Variants in MC2R observed in about 807,000 individuals in gnomAD.
MC2R encodes adrenocorticotropic hormone receptor.
A neutral mutation model predicts 9.8 loss-of-function variants in MC2R; 9 were observed. That is an observed-to-expected ratio of 0.92 (90% CI 0.55 to 1.60). The LOEUF (loss-of-function observed/expected upper bound fraction) is 1.60, where lower values mean the gene tolerates loss of function less well. MC2R is among the 40% of genes most tolerant of loss of function. The pLI, the probability that MC2R is intolerant of heterozygous loss-of-function variation, is 0.00. For synonymous variants in MC2R, 185 were observed against 154.7 expected (o/e 1.20, Z -1.45); for missense variants, 370 against 389.0 (o/e 0.95, Z 0.41).
At chr18:13,888,362 C>T (rs2045290324) in intron 1 of MC2R, among the ~76,000 whole-genome samples, 1 of 152,264 alleles carries the variant, frequency 6.6e-6, no homozygotes, top group South Asian at 2.1e-4. Flanking sequence ...TGGTGTGTGG[C>T]CCCATTCTTG....
intron 1 of MC2R, among the ~76,000 whole-genome samples, chr18:13,897,410 C>T (rs920772496): frequency 6.6e-6 from 1 of 152,178 alleles, no homozygotes; most frequent in Non-Finnish European, 1.5e-5. Flanking sequence ...CTGTCAGTCT[C>T]TAAGTAAACT....
intron 1 of MC2R, among the ~76,000 whole-genome samples, chr18:13,895,625 T>C (rs1046763180): frequency 1.3e-5 from 2 of 151,958 alleles, no homozygotes; most frequent in Admixed American, 6.6e-5. Flanking sequence ...AAAAAAAAGC[T>C]CAACTTTTGA....
At chr18:13,904,863 C>T (rs1187657372) in intron 1 of MC2R, among the ~76,000 whole-genome samples, 8 of 152,078 alleles carry the variant, frequency 5.3e-5, no homozygotes, top group South Asian at 4.2e-4. Flanking sequence ...AAACTGAAAC[C>T]GGGCCCCTTC....
intron 1 of MC2R, among the ~76,000 whole-genome samples, chr18:13,899,697 G>C (rs571571891): frequency 6.6e-6 from 1 of 152,246 alleles, no homozygotes; most frequent in South Asian, 2.1e-4. Context: ...GGAGAGAGTG[G>C]CATGGTATAT....
chr18:13,898,844 G>A (rs1343792183), intron 1 of MC2R, among the ~76,000 whole-genome samples: 1 of 152,154 alleles, frequency 6.6e-6, no homozygotes, highest in Non-Finnish European at 1.5e-5. Flanking sequence ...AGCAGGTAAG[G>A]CTTAGATCAC....
At chr18:13,904,562 G>T (rs1386788752) in intron 1 of MC2R, among the ~76,000 whole-genome samples, 1 of 150,316 alleles carries the variant, frequency 6.7e-6, no homozygotes, top group African/African-American at 2.5e-5. Context: ...AATTAGACAG[G>T]AGAAAAAAAA....
At position 13,884,541 on chromosome 18, in the gene MC2R, G is replaced by A. The variant is rs888053058; in HGVS notation, c.*84C>T. 10 of 1,426,986 alleles carry A rather than the reference G, an allele frequency of 7.0e-6. No homozygotes were observed. The African/African-American group carries it at 8.4e-5, about 12-fold the overall frequency. The allele number at this position is 1,426,986 out of a possible 1,614,324, so 88.4% of individuals were successfully genotyped here. ...ATTAGGGAAGGAAGGCCAGTGAGGAGCACTGGCATTTGTTGGAATGTTACA... is the reference window on the plus strand; with the variant it reads ...ATTAGGGAAGGAAGGCCAGTGAGGAACACTGGCATTTGTTGGAATGTTACA... On this transcript the variant is annotated 3_prime_UTR_variant, in exon 2 of 2. Coordinates refer to ENST00000327606, the MANE Select transcript of MC2R (RefSeq NM_000529.2).
chr18:13,893,461 G>A (rs2045328875), intron 1 of MC2R, among the ~76,000 whole-genome samples: 1 of 152,172 alleles, frequency 6.6e-6, no homozygotes, highest in East Asian at 1.9e-4. Context: ...AAGTAGAAGG[G>A]TCTTGAAGGT....
At chr18:13,907,235 C>T (rs775632728) in intron 1 of MC2R, among the ~76,000 whole-genome samples, 17 of 152,174 alleles carry the variant, frequency 1.1e-4, no homozygotes, top group Non-Finnish European at 2.1e-4. Flanking sequence ...GCAGTCGACT[C>T]ACCTTCGACA....
intron 1 of MC2R, among the ~76,000 whole-genome samples, chr18:13,904,614 T>C (rs2045401727): frequency 1.2e-5 from 1 of 80,886 alleles, no homozygotes; most frequent in African/African-American, 6.3e-5. Flanking sequence ...TTTCAAACTA[T>C]ACTACAAGGC....
In MC2R at chr18:13,885,036, A is replaced by T; in HGVS notation, c.483T>A (p.Thr161=). 6.2e-7 allele frequency: 1 copy of T among 1,614,214 alleles called. No homozygotes were observed. Among genetic ancestry groups the T allele is most frequent in the Admixed American group, 1.7e-5 (1 of 60,032 alleles). The part of the protein sequence containing the change: ...LTVIWTFCTG[T]GITMVIFSHH... ...GGGAGAAGATCACCATGGTGATGCC[A>T]GTCCCCGTGCAGAACGTCCAGATGA... The change falls in exon 2 of 2, where the codon ACT becomes ACA. Residue 161 remains threonine (T), a synonymous_variant. Transcript: ENST00000327606.
intron 1 of MC2R, among the ~76,000 whole-genome samples, chr18:13,892,577 C>T (rs1416089727): frequency 2.0e-5 from 3 of 152,144 alleles, no homozygotes; most frequent in South Asian, 2.1e-4. Flanking sequence ...AGATGCTTGG[C>T]TTGAACAGCG....
chr18:13,910,004 C>T (rs1186144925), intron 1 of MC2R, among the ~76,000 whole-genome samples: 1 of 152,170 alleles, frequency 6.6e-6, no homozygotes, highest in African/African-American at 2.4e-5. Flanking sequence ...AATCCAGTGT[C>T]ATGGAGATTT....
intron 1 of MC2R, among the ~76,000 whole-genome samples, chr18:13,893,416 G>A (rs1215323542): frequency 6.6e-6 from 1 of 152,180 alleles, no homozygotes; most frequent in East Asian, 1.9e-4. Context: ...TGATGTGCTT[G>A]CTTTGAGTGC....
chr18:13,891,759 G>A (rs139461349), intron 1 of MC2R, among the ~76,000 whole-genome samples: 1 of 141,160 alleles, frequency 7.1e-6, no homozygotes, highest in Non-Finnish European at 1.6e-5. Context: ...TTGGCCCTTC[G>A]GGTCTTGGCC....
rs1190174103 is a variant in MC2R at position 13,882,752 on chromosome 18, T to C, written c.*1873A>G. 2 of 152,252 alleles carry C rather than the reference T, an allele frequency of 1.3e-5. No homozygotes were observed. The highest frequency in any genetic ancestry group is 2.9e-5 in the Non-Finnish European group (2 of 68,046). 9.4% of individuals were successfully genotyped at this position (152,252 alleles called of 1,614,324 possible). On this transcript the variant is annotated 3_prime_UTR_variant, in exon 2 of 2. Transcript: ENST00000327606. ...ACGCACTTTAATCACATAAAATATG[T>C]TATACATTACTTTTTCAATGGTAGA...
chr18:13,896,716 C>A (rs1005101502), intron 1 of MC2R, among the ~76,000 whole-genome samples: 8 of 152,090 alleles, frequency 5.3e-5, no homozygotes, highest in African/African-American at 1.7e-4. Flanking sequence ...GCCTTTAAGA[C>A]CTAAAAACAT....
chr18:13,888,383 C>T (rs539850288), intron 1 of MC2R, among the ~76,000 whole-genome samples: 2 of 152,272 alleles, frequency 1.3e-5, no homozygotes, highest in South Asian at 4.1e-4. Context: ...GTTGAAGGGC[C>T]AGTGACACGA....
At chr18:13,894,066 A>C (rs1314732428) in intron 1 of MC2R, among the ~76,000 whole-genome samples, 1 of 152,128 alleles carries the variant, frequency 6.6e-6, no homozygotes, top group African/African-American at 2.4e-5. Flanking sequence ...TCTCCTTAAA[A>C]AGATTCTGAT....
Sources: gnomAD v4.1 joint callset for allele counts (sites outside exome capture counted in the v4.1 genomes callset) on GRCh38, gnomAD v4.1.1 for gene constraint, MANE v1.5 for transcripts, NCBI Gene and HGNC (gene_info 2026-07-23, HGNC 2026-07-21) for gene names.